BMPR2: variants seen among roughly 807,000 people sequenced by gnomAD.
BMPR2 encodes bone morphogenetic protein receptor type 2.
BMPR2 carries 29 observed loss-of-function variants against 100.8 expected under a neutral mutation model. The ratio of observed to expected loss-of-function variants is 0.29; its 90% confidence interval spans 0.21 to 0.39. BMPR2 has a LOEUF of 0.39. BMPR2 is among the 10% of genes least tolerant of loss of function. The pLI is 1.00. For synonymous variants in BMPR2, 382 were observed against 442.3 expected (o/e 0.86, Z 1.71); for missense variants, 1,011 against 1,274.5 (o/e 0.79, Z 3.15).
intron 1 of BMPR2, among the ~76,000 whole-genome samples, chr2:202,424,343 C>T (rs1691337271): frequency 6.6e-6 from 1 of 151,364 alleles, no homozygotes; most frequent in South Asian, 2.1e-4. Flanking sequence ...CACTGCACTT[C>T]AGCCTGGGCG....
chr2:202,522,505 TC>T, intron 7 of BMPR2, among the ~76,000 whole-genome samples: 1 of 145,006 alleles, frequency 6.9e-6, no homozygotes, highest in African/African-American at 2.6e-5. Context: ...AGACTCCCTC[TC>T]AAAAAAAAAA....
At chr2:202,520,420 A>C (rs1363110031) in intron 7 of BMPR2, 5 of 570,328 alleles carry the variant, frequency 8.8e-6, no homozygotes, top group Non-Finnish European at 1.5e-5. Context: ...CTGGTGCTTG[A>C]TAGCTGAGTA....
intron 9 of BMPR2, among the ~76,000 whole-genome samples, chr2:202,533,623 G>A (rs989413646): frequency 2.6e-5 from 4 of 152,162 alleles, no homozygotes; most frequent in Admixed American, 2.0e-4. Flanking sequence ...AGAAGTTCGA[G>A]ACCAGCCTGG....
intron 1 of BMPR2, among the ~76,000 whole-genome samples, chr2:202,445,622 C>T (rs1255757962): frequency 1.3e-5 from 2 of 149,680 alleles, no homozygotes; most frequent in Non-Finnish European, 2.9e-5. Flanking sequence ...CCCTTTTCTC[C>T]AGACCCTTGC....
intron 1 of BMPR2, among the ~76,000 whole-genome samples, chr2:202,434,833 A>G (rs1371910859): frequency 8.4e-6 from 1 of 119,076 alleles, no homozygotes; most frequent in African/African-American, 3.6e-5. Flanking sequence ...TATGTTGCCC[A>G]GTCTGGGCTC....
At chr2:202,483,751 C>G (rs944915248) in intron 3 of BMPR2, among the ~76,000 whole-genome samples, 4 of 152,144 alleles carry the variant, frequency 2.6e-5, no homozygotes, top group Non-Finnish European at 5.9e-5. Flanking sequence ...CTTTTGCTGC[C>G]TGCAAGAGGT....
chr2:202,505,603 G>A (rs1687505493), intron 3 of BMPR2, among the ~76,000 whole-genome samples: 1 of 152,070 alleles, frequency 6.6e-6, no homozygotes, highest in African/African-American at 2.4e-5. Flanking sequence ...CCTTTTATGA[G>A]CCATGGTATA....
intron 10 of BMPR2, among the ~76,000 whole-genome samples, chr2:202,545,790 A>G (rs899689884): frequency 1.3e-5 from 2 of 152,222 alleles, no homozygotes; most frequent in African/African-American, 4.8e-5. Flanking sequence ...CATACGTCCA[A>G]GATTGCTTCC....
chr2:202,419,917 C>T (rs143868151), intron 1 of BMPR2, among the ~76,000 whole-genome samples: 6 of 152,068 alleles, frequency 3.9e-5, no homozygotes, highest in South Asian at 2.1e-4. Context: ...GGGTGGCCAA[C>T]GCAGGAGGAT....
At chr2:202,401,818 T>C (rs934595228) in intron 1 of BMPR2, among the ~76,000 whole-genome samples, 8 of 152,190 alleles carry the variant, frequency 5.3e-5, no homozygotes, top group Non-Finnish European at 1.0e-4. Flanking sequence ...AACAAAGATA[T>C]GATTTAATTT....
intron 12 of BMPR2, among the ~76,000 whole-genome samples, chr2:202,559,118 G>A (rs944856396): frequency 6.6e-6 from 1 of 151,716 alleles, no homozygotes; most frequent in African/African-American, 2.4e-5. Context: ...TCGGCAAGAT[G>A]GTGAAACCCC....
chr2:202,421,543 AG>A (rs527463960), intron 1 of BMPR2, among the ~76,000 whole-genome samples: 34 of 149,212 alleles, frequency 2.3e-4, no homozygotes, highest in African/African-American at 8.4e-4. Flanking sequence ...AGAATTTGGA[AG>A]GGCAGGAGAA....
intron 1 of BMPR2, among the ~76,000 whole-genome samples, chr2:202,385,983 C>CA (rs1690419206): frequency 6.6e-6 from 1 of 151,840 alleles, no homozygotes; most frequent in African/African-American, 2.4e-5. Context: ...CAATTTAATC[C>CA]TTTTTTTTCA....
In BMPR2 at chr2:202,487,253, C is replaced by T. The variant is rs537969831; in HGVS notation, c.418+19564C>T. Among the ~76,000 whole-genome samples, 4 of 152,078 alleles carry T rather than the reference C, an allele frequency of 2.6e-5. No homozygotes were observed. The East Asian group carries it at 7.7e-4, about 29-fold the overall frequency. ...TTTCTAACACTGAAAGTAACTTAGTCTGTTTTATAATAGTCATCTAGGAAC... is the reference window on the plus strand; with the variant it reads ...TTTCTAACACTGAAAGTAACTTAGTTTGTTTTATAATAGTCATCTAGGAAC... On this transcript the variant is annotated intron_variant, in intron 3 of 12. Coordinates refer to ENST00000374580, the MANE Select transcript of BMPR2 (RefSeq NM_001204.7).
chr2:202,377,635 G>T (rs1690179423), intron 1 of BMPR2, 85 bp downstream of exon 1: 11 of 1,503,346 alleles, frequency 7.3e-6, no homozygotes, highest in Non-Finnish European at 1.0e-5. Flanking sequence ...GCCTGTGCTT[G>T]CCCTTCGCCA....
rs949408508 is a variant in BMPR2 at position 202,439,752 on chromosome 2, C to CT, written c.77-25048dup. Among the ~76,000 whole-genome samples, 12 of 144,100 alleles carry CT rather than the reference C, an allele frequency of 8.3e-5. 1 individual carries two copies. The highest frequency in any genetic ancestry group is 1.4e-4 in the African/African-American group (5 of 36,638). 94.5% of individuals were successfully genotyped at this position (144,100 alleles called of 152,430 possible). On this transcript the variant is annotated intron_variant, in intron 1 of 12. Transcript: ENST00000374580. ...TGTGGGTTTTTCTTTTTTCTTTTTT[C>CT]TTTTTTTTTAGTATTTATTGATAAT...
chr2:202,417,824 T>G (rs550823024), intron 1 of BMPR2, among the ~76,000 whole-genome samples: 2 of 151,946 alleles, frequency 1.3e-5, no homozygotes, highest in South Asian at 4.2e-4. Flanking sequence ...GTTCATGCCA[T>G]TCTTCCGCCT....
intron 1 of BMPR2, among the ~76,000 whole-genome samples, chr2:202,412,701 T>G (rs1212805405): frequency 6.6e-6 from 1 of 152,236 alleles, no homozygotes; most frequent in Non-Finnish European, 1.5e-5. Flanking sequence ...TTTTTAGTTT[T>G]GTAAATTTTA....
rs761163529 is a variant in BMPR2 at position 202,532,729 on chromosome 2, C to T, written c.1273C>T (p.Pro425Ser). 4 of 1,612,076 alleles carry T rather than the reference C, an allele frequency of 2.5e-6. No homozygotes were observed. Among genetic ancestry groups the T allele is most frequent in the Non-Finnish European group, 3.4e-6 (4 of 1,179,838 alleles). Residue 425 changes from proline to serine, a missense_variant, in exon 9 of 13, where the codon CCA becomes TCA. Physicochemically the swap from Pro to Ser is moderately conservative, Grantham distance 74 (BLOSUM62 -1). This residue lies in a region of BMPR2 where 83 missense variants were observed against 140.7 expected (regional missense o/e 0.59). Coordinates refer to ENST00000374580, the MANE Select transcript of BMPR2 (RefSeq NM_001204.7). The surrounding 1 kb of genome is among the most constrained non-coding windows in gnomAD (Gnocchi z 4.1). ...EIFMRCTDLFPGESVPEYQMA... is the reference protein window; with the variant it reads ...EIFMRCTDLFSGESVPEYQMA... ...ATTTATGAGATGTACAGACCTCTTCCCAGGTAAAAACTACTGTCAAAAGTT... is the reference window on the plus strand; with the variant it reads ...ATTTATGAGATGTACAGACCTCTTCTCAGGTAAAAACTACTGTCAAAAGTT...
Sources: gnomAD v4.1 joint callset for allele counts (sites outside exome capture counted in the v4.1 genomes callset) on GRCh38, gnomAD v4.1.1 for gene constraint, gnomAD v4.1.1 regional missense constraint, Gnocchi (gnomAD v3.1) non-coding constraint, MANE v1.5 for transcripts, NCBI Gene and HGNC (gene_info 2026-07-23, HGNC 2026-07-21) for gene names.